The following PRKCE variants were observed in gnomAD, a reference collection of about 807,000 sequenced individuals.
PRKCE encodes protein kinase C epsilon, also known as protein kinase C epsilon type.
PRKCE carries 16 observed loss-of-function variants against 85.4 expected under a neutral mutation model. The ratio of observed to expected loss-of-function variants is 0.19; its 90% confidence interval spans 0.13 to 0.28. The LOEUF (loss-of-function observed/expected upper bound fraction) is 0.28, where lower values mean the gene tolerates loss of function less well. Among genes scored for constraint, PRKCE ranks in the 10% least tolerant of loss-of-function variants. The pLI is 1.00. For synonymous variants in PRKCE, 388 were observed against 371.5 expected, an observed-to-expected ratio of 1.04 and a Z score of -0.51; for missense variants, 573 against 975.2, an observed-to-expected ratio of 0.59 and a Z score of 5.49.
intron 10 of PRKCE, among the ~76,000 whole-genome samples, chr2:46,046,023 G>A (rs1475648950): frequency 6.6e-6 from 1 of 152,224 alleles, no homozygotes; most frequent in East Asian, 1.9e-4. Flanking sequence ...GACAATGGCT[G>A]GAAGGAGGCC....
intron 2 of PRKCE, among the ~76,000 whole-genome samples, chr2:45,920,062 AG>A (rs1243260488): frequency 6.6e-6 from 1 of 152,222 alleles, no homozygotes; most frequent in Non-Finnish European, 1.5e-5. Flanking sequence ...TTGTGGCCCC[AG>A]CCGGTTCAGA....
At chr2:46,083,546 C>T (rs917445173) in intron 10 of PRKCE, among the ~76,000 whole-genome samples, 8 of 152,238 alleles carry the variant, frequency 5.3e-5, no homozygotes, top group East Asian at 1.9e-4. Flanking sequence ...ATGGGCACTT[C>T]AGTGGCTGTT....
chr2:45,941,648 G>A (rs149537039), intron 2 of PRKCE, among the ~76,000 whole-genome samples: 1 of 152,272 alleles, frequency 6.6e-6, no homozygotes, highest in Non-Finnish European at 1.5e-5. Context: ...TCTGTTGAGG[G>A]ACTGAGGACC....
rs142591970 is a variant in PRKCE at position 45,694,151 on chromosome 2, C to T, written c.348+41703C>T. On this transcript the variant is annotated intron_variant, in intron 1 of 14. Transcript: ENST00000306156. ...AAGAGCTTCCCATAGCTTCTTGTGG[C>T]CATTTCCAGAACTAAGGGGAGCTCT... 1.7e-4 allele frequency among the ~76,000 whole-genome samples: 26 copies of T among 150,696 alleles called. No homozygotes were observed. The Admixed American group carries it at 1.7e-3, about 10-fold the overall frequency.
intron 10 of PRKCE, among the ~76,000 whole-genome samples, chr2:46,061,094 CT>C (rs1553335278): frequency 7.8e-6 from 1 of 128,882 alleles, no homozygotes; most frequent in African/African-American, 3.0e-5. Context: ...TTCTTTTCTT[CT>C]TTTTTTTCCT....
chr2:45,918,028 G>A (rs933509054), intron 2 of PRKCE, among the ~76,000 whole-genome samples: 11 of 152,232 alleles, frequency 7.2e-5, no homozygotes, highest in Non-Finnish European at 1.6e-4. Flanking sequence ...AGCGCCGCGC[G>A]CAGCCCCGGT....
chr2:46,044,176 A>G (rs1266275193), intron 10 of PRKCE, among the ~76,000 whole-genome samples: 3 of 152,254 alleles, frequency 2.0e-5, no homozygotes, highest in South Asian at 4.1e-4. Flanking sequence ...GAAGATTACA[A>G]GAGAAGAGTA....
chr2:46,160,885 G>C (rs1355730030), intron 14 of PRKCE, among the ~76,000 whole-genome samples: 1 of 152,226 alleles, frequency 6.6e-6, no homozygotes, highest in East Asian at 1.9e-4. Flanking sequence ...GATAGTGTCA[G>C]TGGACGGGTG....
At chr2:46,084,700 A>G (rs527698416) in intron 10 of PRKCE, among the ~76,000 whole-genome samples, 1 of 142,928 alleles carries the variant, frequency 7.0e-6, no homozygotes, top group South Asian at 2.4e-4. Context: ...CCAGCCTAGC[A>G]ACAGAGCGAG....
chr2:45,823,449 C>T (rs1689700138), intron 1 of PRKCE, among the ~76,000 whole-genome samples: 1 of 152,214 alleles, frequency 6.6e-6, no homozygotes, highest in African/African-American at 2.4e-5. Context: ...CTGCCATTCA[C>T]TGACAGATTA....
chr2:45,702,087 G>A (rs1469966957), intron 1 of PRKCE, among the ~76,000 whole-genome samples: 1 of 152,164 alleles, frequency 6.6e-6, no homozygotes, highest in East Asian at 1.9e-4. Flanking sequence ...TACTCAGGGG[G>A]CTGAGGCAGG....
intron 11 of PRKCE, among the ~76,000 whole-genome samples, chr2:46,143,496 A>G (rs553150547): frequency 2.6e-5 from 4 of 152,280 alleles, no homozygotes; most frequent in African/African-American, 7.2e-5. Flanking sequence ...TTTCACGCAC[A>G]TCTCATTAGT....
intron 2 of PRKCE, among the ~76,000 whole-genome samples, chr2:45,975,501 C>G (rs1287814989): frequency 6.6e-6 from 1 of 152,166 alleles, no homozygotes; most frequent in Non-Finnish European, 1.5e-5. Flanking sequence ...TATAAGGACA[C>G]TAATCCCATC....
At chr2:45,772,877 G>T (rs74648523) in intron 1 of PRKCE, among the ~76,000 whole-genome samples, 7,258 of 152,184 alleles carry the variant, frequency 0.048, 224 homozygotes, top group Non-Finnish European at 0.067. Context: ...ACTATGTGCT[G>T]TACCCGTGAC....
chr2:45,814,042 T>TC (rs1052134355), intron 1 of PRKCE, among the ~76,000 whole-genome samples: 3 of 151,140 alleles, frequency 2.0e-5, no homozygotes, highest in African/African-American at 7.3e-5. Flanking sequence ...CCACCTCCGG[T>TC]CCCCCCTCCC....
At chr2:45,830,293 C>G in intron 1 of PRKCE, among the ~76,000 whole-genome samples, 1 of 146,312 alleles carries the variant, frequency 6.8e-6, no homozygotes, top group Admixed American at 6.8e-5. Context: ...CAAAAACAAA[C>G]GAGAGAGAGA....
chr2:46,098,660 A>G lies in PRKCE; in HGVS notation c.1592+12298A>G, dbSNP rs75254510. Among the ~76,000 whole-genome samples, 1,093 of 152,306 alleles carry G rather than the reference A, an allele frequency of 7.2e-3. 20 individuals carry two copies. The highest frequency in any genetic ancestry group is 0.024 in the African/African-American group (1,017 of 41,568). On this transcript the variant is annotated intron_variant, in intron 11 of 14. Transcript: ENST00000306156. ...TTATTTTATGACTATGCTGTGTTCT[A>G]TAGAAAGTAGATGCCTTGGAACAAT...
Position 45,850,996 on chromosome 2 carries a change from G to A in PRKCE, c.412+7933G>A, listed in dbSNP as rs185783061. ...AAGCAATAGACCAGTAAGCATCATC[G>A]TGTGCTTTAGCTGTTGGGTAGCTAC... On this transcript the variant is annotated intron_variant, in intron 2 of 14. Transcript: ENST00000306156. Among the ~76,000 whole-genome samples, 501 of 152,328 alleles carry A rather than the reference G, an allele frequency of 3.3e-3. 1 individual carries two copies. The highest frequency in any genetic ancestry group is 0.011 in the Admixed American group (171 of 15,304).
At position 46,133,583 on chromosome 2, in the gene PRKCE, C is replaced by T. The variant is rs148933307; in HGVS notation, c.1593-11510C>T. Among the ~76,000 whole-genome samples the T allele has an allele frequency of 3.3e-5, 5 of 152,246 alleles. No homozygotes were observed. The East Asian group carries it at 5.8e-4, about 18-fold the overall frequency. Reference sequence around the variant, plus strand: ...GTAATCATGCTGCCAATTTGATGGACGCTAAAATGGACTTCATAGAGACCC... The same window carrying T: ...GTAATCATGCTGCCAATTTGATGGATGCTAAAATGGACTTCATAGAGACCC... On this transcript the variant is annotated intron_variant, in intron 11 of 14. Coordinates refer to ENST00000306156, the MANE Select transcript of PRKCE (RefSeq NM_005400.3).
Sources: gnomAD v4.1 joint callset for allele counts (sites outside exome capture counted in the v4.1 genomes callset) on GRCh38, gnomAD v4.1.1 for gene constraint, MANE v1.5 for transcripts, NCBI Gene and HGNC (gene_info 2026-07-23, HGNC 2026-07-21) for gene names.